EDN1: variants seen among roughly 807,000 people sequenced by gnomAD.
The protein encoded by EDN1 is endothelin 1, also known as endothelin-1.
A neutral mutation model predicts 21.7 loss-of-function variants in EDN1; 11 were observed. The ratio of observed to expected loss-of-function variants is 0.51; its 90% CI spans 0.32 to 0.84. The LOEUF (loss-of-function observed/expected upper bound fraction) is 0.84, where lower values mean the gene tolerates loss of function less well. Among genes scored for constraint, EDN1 ranks in the 40% least tolerant of loss-of-function variants. The pLI, the probability that EDN1 is intolerant of heterozygous loss-of-function variation, is 0.03. For synonymous variants in EDN1, 85 were observed against 90.6 expected, an observed-to-expected ratio of 0.94 and a Z score of 0.35; for missense variants, 244 against 262.3, an observed-to-expected ratio of 0.93 and a Z score of 0.48.
the EDN1 span, among the ~76,000 whole-genome samples, chr6:12,266,689 C>G: frequency 3.3e-5 from 5 of 152,116 alleles, no homozygotes; most frequent in East Asian, 5.8e-4. Context: ...AAGCAGAGTC[C>G]TGATTGAGAG....
rs770093045 is a variant in EDN1, at chr6:12,292,509, A to G, written c.233A>G (p.Glu78Gly). 4 of 1,614,190 alleles carry G rather than the reference A, an allele frequency of 2.5e-6. No individual in the cohort carries two copies. The highest frequency in any genetic ancestry group is 3.4e-6 in the Non-Finnish European group (4 of 1,180,014). Reference protein sequence around the residue: ...HLDIIWVNTPEHVVPYGLGSP... With the variant: ...HLDIIWVNTPGHVVPYGLGSP... ...GACATCATTTGGGTCAACACTCCCG[A>G]GTAAGTCTCTAGAGGGCATTGTAAC... Residue 78 changes from glutamate to glycine, a missense_variant and splice_region_variant, in exon 2 of 5, where the codon GAG (glutamate) becomes GGG (glycine). Transcript: ENST00000379375.
the EDN1 span, among the ~76,000 whole-genome samples, chr6:12,261,471 G>A: frequency 6.6e-6 from 1 of 152,230 alleles, no homozygotes; most frequent in African/African-American, 2.4e-5. Context: ...ATTTTTTAAT[G>A]TAATGATGGT....
the EDN1 span, among the ~76,000 whole-genome samples, chr6:12,284,585 GGAAA>G: frequency 3.2e-3 from 405 of 125,056 alleles, 2 homozygotes; most frequent in African/African-American, 0.013. Context: ...CAAGCAAGCA[GGAAA>G]GAAAGAAAGA....
the EDN1 span, among the ~76,000 whole-genome samples, chr6:12,282,278 A>G: frequency 2.8e-4 from 42 of 152,346 alleles, no homozygotes; most frequent in Middle Eastern, 0.01. Context: ...CAGATAATGT[A>G]CAAAAATAGA....
chr6:12,271,638 G>A, the EDN1 span, among the ~76,000 whole-genome samples: 1 of 152,186 alleles, frequency 6.6e-6, no homozygotes, highest in Non-Finnish European at 1.5e-5. Flanking sequence ...TATTTTGAAT[G>A]TGATAATAAA....
At chr6:12,242,818 G>C in the EDN1 span, among the ~76,000 whole-genome samples, 5 of 152,170 alleles carry the variant, frequency 3.3e-5, no homozygotes, top group African/African-American at 1.2e-4. Flanking sequence ...CTTCCAGTTG[G>C]AATGCTCTCT....
upstream of EDN1, among the ~76,000 whole-genome samples, chr6:12,289,244 G>A (rs894508521): frequency 5.9e-5 from 9 of 152,066 alleles, no homozygotes; most frequent in African/African-American, 1.2e-4. Context: ...TTCCTTCTCA[G>A]CACCACCTTC....
At chr6:12,258,533 G>A in the EDN1 span, among the ~76,000 whole-genome samples, 15 of 148,704 alleles carry the variant, frequency 1.0e-4, no homozygotes, top group Non-Finnish European at 1.8e-4. Context: ...TTTCATCAAA[G>A]GATTTATTTA....
chr6:12,234,170 T>C, the EDN1 span, among the ~76,000 whole-genome samples: 1 of 152,234 alleles, frequency 6.6e-6, no homozygotes, highest in Non-Finnish European at 1.5e-5. Flanking sequence ...TATCAAACTT[T>C]AGAATCAAGC....
the EDN1 span, among the ~76,000 whole-genome samples, chr6:12,251,756 A>T: frequency 6.6e-6 from 1 of 151,992 alleles, no homozygotes; most frequent in Non-Finnish European, 1.5e-5. Context: ...TTTTATATTA[A>T]CTCCTCCCCA....
At chr6:12,291,815 A>G (rs10478707) in intron 1 of EDN1, among the ~76,000 whole-genome samples, 164 of 152,232 alleles carry the variant, frequency 1.1e-3, no homozygotes, top group Non-Finnish European at 2.0e-3. Context: ...TTTGAAAGAT[A>G]TACATCATCT....
chr6:12,292,011 C>T (rs180724644), intron 1 of EDN1, among the ~76,000 whole-genome samples: 14 of 151,998 alleles, frequency 9.2e-5, no homozygotes, highest in Admixed American at 3.3e-4. Context: ...AGAAGCCAGC[C>T]GGATTTTCAA....
chr6:12,291,015 ATGTT>A (rs2113793082), intron 1 of EDN1, among the ~76,000 whole-genome samples: 1 of 152,314 alleles, frequency 6.6e-6, no homozygotes, highest in East Asian at 1.9e-4. Context: ...AGTCAAATGT[ATGTT>A]TGTAATATAT....
chr6:12,276,990 G>A, the EDN1 span, among the ~76,000 whole-genome samples: 140 of 152,312 alleles, frequency 9.2e-4, no homozygotes, highest in African/African-American at 3.0e-3. Context: ...TGATAAGAAA[G>A]GAGGAACAGG....
At chr6:12,245,416 C>G in the EDN1 span, among the ~76,000 whole-genome samples, 1 of 152,312 alleles carries the variant, frequency 6.6e-6, no homozygotes, top group East Asian at 1.9e-4. Flanking sequence ...AAACACGTTT[C>G]ATGTCAATAA....
chr6:12,295,897 G>A lies in EDN1; in HGVS notation c.534-65G>A, dbSNP rs1034002548. 1.1e-5 allele frequency: 17 copies of A among 1,534,268 alleles called. No individual in the cohort carries two copies. In the East Asian group the frequency reaches 1.8e-4, roughly 16 times the overall value. Reference sequence around the variant, plus strand: ...TTTGTGCCAGATTCTAATTTTACATGTTTCTTTTGCCAAAGGGTGATTTTT... The same window carrying A: ...TTTGTGCCAGATTCTAATTTTACATATTTCTTTTGCCAAAGGGTGATTTTT... On this transcript the variant is annotated intron_variant, in intron 4 of 4. Coordinates refer to ENST00000379375, the MANE Select transcript of EDN1 (RefSeq NM_001955.5).
chr6:12,276,857 A>G, the EDN1 span, among the ~76,000 whole-genome samples: 1 of 152,266 alleles, frequency 6.6e-6, no homozygotes, highest in Non-Finnish European at 1.5e-5. Flanking sequence ...TAATGGGTCA[A>G]GGATTTAAAG....
Position 12,290,674 on chromosome 6 carries a change from C to G in EDN1, c.45C>G (p.Cys15Trp), listed in dbSNP as rs751638434. 6.2e-7 allele frequency: 1 copy of G among 1,612,676 alleles called. No individual in the cohort carries two copies. Among genetic ancestry groups the G allele is most frequent in the Non-Finnish European group, 8.5e-7 (1 of 1,179,566 alleles). Residue 15 changes from cysteine to tryptophan, a missense_variant, in exon 1 of 5, where the codon TGC (cysteine) becomes TGG (tryptophan). Coordinates refer to ENST00000379375, the MANE Select transcript of EDN1 (RefSeq NM_001955.5). ...LMIFSLLFVA[C>W]QGAPETAVLG... is the part of the protein sequence containing the mutation. The stretch of plus-strand genomic sequence containing the variant: ...TTTTCTCTCTGCTGTTTGTGGCTTG[C>G]CAAGGAGCTCCAGAAACAGGTAGGC...
the EDN1 span, among the ~76,000 whole-genome samples, chr6:12,268,281 T>C: frequency 6.6e-6 from 1 of 152,198 alleles, no homozygotes; most frequent in African/African-American, 2.4e-5. Context: ...CTGGGCAAAG[T>C]GAATGGAAAG....
Sources: allele counts gnomAD v4.1 joint callset (sites outside exome capture counted in the v4.1 genomes callset), GRCh38; gene constraint gnomAD v4.1.1; transcripts MANE v1.5; gene names NCBI Gene and HGNC (gene_info 2026-07-23, HGNC 2026-07-21).